MARCHF1: variants seen among roughly 807,000 people sequenced by gnomAD.
MARCHF1 encodes E3 ubiquitin-protein ligase MARCHF1.
A neutral mutation model predicts 54.2 loss-of-function variants in MARCHF1; 40 were observed. The observed-to-expected ratio is 0.74, with a 90% CI of 0.57 to 0.96. The LOEUF is 0.96. Ranked by LOEUF, MARCHF1 falls within the 40% of genes least tolerant of loss-of-function variation. The pLI, the probability that MARCHF1 is intolerant of heterozygous loss-of-function variation, is 0.00. For synonymous variants in MARCHF1, 236 were observed against 236.3 expected, an observed-to-expected ratio of 1.00 and a Z score of 0.01; for missense variants, 586 against 656.5, an observed-to-expected ratio of 0.89 and a Z score of 1.17.
chr4:163,545,188 C>G (rs1176403939), intron 9 of MARCHF1, among the ~76,000 whole-genome samples: 5 of 152,208 alleles, frequency 3.3e-5, no homozygotes, highest in Admixed American at 1.3e-4. Flanking sequence ...ACATTCTCTA[C>G]TGGAATGCCA....
chr4:164,376,105 A>G (rs1013988411), intron 1 of MARCHF1, among the ~76,000 whole-genome samples: 1 of 152,206 alleles, frequency 6.6e-6, no homozygotes, highest in Admixed American at 6.5e-5. Context: ...TCTTTCACTC[A>G]TCATTACATT....
chr4:163,565,215 C>T lies in MARCHF1; in HGVS notation c.1192-19472G>A, dbSNP rs1448630709. 2.0e-5 allele frequency among the ~76,000 whole-genome samples: 3 copies of T among 152,298 alleles called. No individual in the cohort carries two copies. In the East Asian group the frequency reaches 5.8e-4, roughly 29 times the overall value. On this transcript the variant is annotated intron_variant, in intron 8 of 9. Coordinates refer to ENST00000514618, the MANE Select transcript of MARCHF1 (RefSeq NM_001394959.1). The stretch of plus-strand genomic sequence containing the variant: ...CGAATGCAGAGGCAGGCCATAAATG[C>T]TATGGGGTTCTTTTAACTTTAATGC...
chr4:164,190,220 C>T (rs113582722), intron 1 of MARCHF1: 80 of 1,449,870 alleles, frequency 5.5e-5, no homozygotes, highest in African/African-American at 2.8e-4. Context: ...TTGAAGACTT[C>T]GAAGCTAACA....
intron 8 of MARCHF1, among the ~76,000 whole-genome samples, chr4:163,580,062 A>ATTATTTATTTATTTAT (rs3085769): frequency 0.027 from 3,873 of 144,234 alleles, 100 homozygotes; most frequent in Middle Eastern, 0.056. Context: ...AGCCTTATTT[A>ATTATTTATTTATTTAT]TTATTTATTT....
At chr4:164,061,529 T>G (rs1455114121) in intron 2 of MARCHF1, among the ~76,000 whole-genome samples, 2 of 44,438 alleles carry the variant, frequency 4.5e-5, no homozygotes, top group Admixed American at 3.7e-4. Context: ...TGGGGACTGT[T>G]GTGGGGTGGG....
At chr4:164,052,076 T>A (rs899975852) in intron 2 of MARCHF1, among the ~76,000 whole-genome samples, 2 of 150,422 alleles carry the variant, frequency 1.3e-5, no homozygotes, top group Admixed American at 1.3e-4. Context: ...TTTCTACTAT[T>A]AAAAAAAAGT....
At chr4:163,533,088 A>G (rs1280166430) in intron 9 of MARCHF1, among the ~76,000 whole-genome samples, 3 of 152,076 alleles carry the variant, frequency 2.0e-5, no homozygotes, top group Non-Finnish European at 4.4e-5. Flanking sequence ...ATATTTGTTC[A>G]AAGCTGGAAA....
At chr4:163,735,808 T>C (rs1746018481) in intron 4 of MARCHF1, among the ~76,000 whole-genome samples, 1 of 152,212 alleles carries the variant, frequency 6.6e-6, no homozygotes. Flanking sequence ...TTTTTCCTTC[T>C]ATTTTTTCTT....
intron 9 of MARCHF1, among the ~76,000 whole-genome samples, chr4:163,544,371 T>C (rs1006365202): frequency 6.6e-6 from 1 of 152,106 alleles, no homozygotes; most frequent in Non-Finnish European, 1.5e-5. Context: ...ATCCTAACTG[T>C]TTTTCTAGCA....
At chr4:164,203,790 G>T (rs999972817) in intron 1 of MARCHF1, among the ~76,000 whole-genome samples, 1 of 152,144 alleles carries the variant, frequency 6.6e-6, no homozygotes, top group South Asian at 2.1e-4. Flanking sequence ...ACCCTCGCTT[G>T]AGAGTAGACA....
chr4:163,806,217 C>G (rs1748220438), intron 4 of MARCHF1, among the ~76,000 whole-genome samples: 2 of 152,178 alleles, frequency 1.3e-5, no homozygotes, highest in South Asian at 4.1e-4. Flanking sequence ...AGTCAAAGTG[C>G]TAATCACCAT....
chr4:164,159,207 T>G (rs550274906), intron 1 of MARCHF1, among the ~76,000 whole-genome samples: 16 of 152,326 alleles, frequency 1.1e-4, no homozygotes, highest in African/African-American at 3.8e-4. Context: ...ATGCTGTTGA[T>G]GCTAAAACGT....
rs187470128 is a variant in MARCHF1, at chr4:164,345,544, T to C, written c.-323+38326A>G. On this transcript the variant is annotated intron_variant, in intron 1 of 9. Coordinates refer to ENST00000514618, the MANE Select transcript of MARCHF1 (RefSeq NM_001394959.1). ...AAGATGGTGCCACTGCACTCCAGCC[T>C]GGGCAACTGAGCAAGAATCTGTCTC... Among the ~76,000 whole-genome samples, 49 of 151,114 alleles carry C rather than the reference T, an allele frequency of 3.2e-4. 1 individual carries two copies. The East Asian group carries it at 7.8e-3, about 24-fold the overall frequency.
chr4:163,616,082 G>C (rs966459469), intron 5 of MARCHF1, among the ~76,000 whole-genome samples: 5 of 152,078 alleles, frequency 3.3e-5, no homozygotes, highest in Non-Finnish European at 5.9e-5. Flanking sequence ...ATGAATTAAA[G>C]ACTTAAATAT....
chr4:163,573,810 T>C (rs1353476749), intron 8 of MARCHF1, among the ~76,000 whole-genome samples: 39 of 152,122 alleles, frequency 2.6e-4, no homozygotes, highest in African/African-American at 8.9e-4. Context: ...TGATTTATAG[T>C]CCTTTGGGTA....
At chr4:163,941,205 G>C (rs1372757860) in intron 3 of MARCHF1, among the ~76,000 whole-genome samples, 1 of 152,078 alleles carries the variant, frequency 6.6e-6, no homozygotes, top group Non-Finnish European at 1.5e-5. Flanking sequence ...AAAGATTTAA[G>C]TAGTGATTTG....
intron 2 of MARCHF1, among the ~76,000 whole-genome samples, chr4:164,026,976 T>G (rs916022099): frequency 1.3e-5 from 2 of 151,760 alleles, no homozygotes; most frequent in African/African-American, 4.8e-5. Context: ...AATAATATAA[T>G]CCCATTTACA....
intron 2 of MARCHF1, among the ~76,000 whole-genome samples, chr4:164,026,012 T>C (rs932376591): frequency 1.3e-5 from 2 of 151,772 alleles, no homozygotes; most frequent in Non-Finnish European, 2.9e-5. Context: ...CCTCCCAAGA[T>C]TGAACCAGGA....
chr4:163,844,731 T>G (rs1206561962), intron 4 of MARCHF1, among the ~76,000 whole-genome samples: 1 of 152,326 alleles, frequency 6.6e-6, no homozygotes, highest in South Asian at 2.1e-4. Context: ...TTTTGTTCCA[T>G]GATAACAGAC....
Sources: allele counts gnomAD v4.1 joint callset (sites outside exome capture counted in the v4.1 genomes callset), GRCh38; gene constraint gnomAD v4.1.1; transcripts MANE v1.5; gene names NCBI Gene and HGNC (gene_info 2026-07-23, HGNC 2026-07-21).